Variants in CLVS1 observed in about 807,000 individuals in gnomAD.
CLVS1 encodes the protein clavesin 1.
Under a neutral mutation model 33.1 loss-of-function variants are expected in CLVS1, and 10 were observed. The ratio of observed to expected loss-of-function variants is 0.30; its 90% CI spans 0.19 to 0.51. CLVS1 has a LOEUF of 0.51. Among genes scored for constraint, CLVS1 ranks in the 20% least tolerant of loss-of-function variants. The probability of loss-of-function intolerance (pLI) is 0.97; values close to 1 mark genes in which losing one functional copy is unlikely to be tolerated. For synonymous variants in CLVS1, 163 were observed against 166.1 expected, an observed-to-expected ratio of 0.98 and a Z score of 0.14; for missense variants, 343 against 433.4, an observed-to-expected ratio of 0.79 and a Z score of 1.85.
chr8:61,497,281 A>G (rs964391444), intron 5 of CLVS1, among the ~76,000 whole-genome samples: 42 of 152,214 alleles, frequency 2.8e-4, no homozygotes, highest in African/African-American at 1.0e-3. Context: ...AAAGCCATGC[A>G]TAAGGAGGAG....
intron 2 of CLVS1, among the ~76,000 whole-genome samples, chr8:61,158,370 A>G (rs1355543847): frequency 6.6e-6 from 1 of 152,202 alleles, no homozygotes; most frequent in African/African-American, 2.4e-5. Flanking sequence ...AGTGCTCACC[A>G]TTTGATGTGT....
chr8:61,335,008 G>A (rs1811744265), intron 2 of CLVS1, among the ~76,000 whole-genome samples: 1 of 152,298 alleles, frequency 6.6e-6, no homozygotes. Flanking sequence ...CAGGAGTGCC[G>A]ATTGGTCAGA....
intron 1 of CLVS1, among the ~76,000 whole-genome samples, chr8:61,293,130 A>G (rs1378328543): frequency 2.0e-5 from 3 of 152,170 alleles, no homozygotes; most frequent in Non-Finnish European, 2.9e-5. Context: ...ATGTGGCAAG[A>G]GTTAGTCCTA....
rs74382792 is a variant in CLVS1, at chr8:61,444,141, A to G, written c.631-10000A>G. 9.4e-3 allele frequency among the ~76,000 whole-genome samples: 1,426 copies of G among 152,224 alleles called. 16 individuals carry two copies. The highest frequency in any genetic ancestry group is 0.016 in the Non-Finnish European group (1,068 of 67,990). ...AAGGTACTTTTATAGATTCCTTGGG[A>G]TTTTTTAATGTAGACAGTCATGTTA... is the stretch of plus-strand genomic sequence containing the variant. On this transcript the variant is annotated intron_variant, in intron 3 of 5. Coordinates refer to ENST00000325897, the MANE Select transcript of CLVS1 (RefSeq NM_173519.3).
At position 61,370,959 on chromosome 8, in the gene CLVS1, T is replaced by G. The variant is rs554513942; in HGVS notation, c.456-5646T>G. 2.0e-5 allele frequency among the ~76,000 whole-genome samples: 3 copies of G among 152,332 alleles called. No homozygotes were observed. In the South Asian group the frequency reaches 6.2e-4, roughly 32 times the overall value. On this transcript the variant is annotated intron_variant, in intron 2 of 5. Coordinates refer to ENST00000325897, the MANE Select transcript of CLVS1 (RefSeq NM_173519.3). ...ATTGCAAATTATCCCACTATAAACA[T>G]GCATGAGCAAGTGTCTTTTTCTTAT...
chr8:61,057,964 G>A (rs1409634016), intron 1 of CLVS1, among the ~76,000 whole-genome samples: 1 of 152,162 alleles, frequency 6.6e-6, no homozygotes, highest in South Asian at 2.1e-4. Flanking sequence ...TGGGAGAAAA[G>A]GTCCCATTGA....
intron 5 of CLVS1, among the ~76,000 whole-genome samples, chr8:61,489,092 C>G (rs1010358257): frequency 6.6e-6 from 1 of 152,124 alleles, no homozygotes; most frequent in East Asian, 1.9e-4. Context: ...GGATAAAGTA[C>G]GATTCTATAA....
chr8:61,491,077 C>T (rs572162305), intron 5 of CLVS1, among the ~76,000 whole-genome samples: 1 of 152,066 alleles, frequency 6.6e-6, no homozygotes, highest in Non-Finnish European at 1.5e-5. Context: ...TTGAGACTTT[C>T]TAGGCTTTTC....
At chr8:61,492,145 A>G (rs983648160) in intron 5 of CLVS1, among the ~76,000 whole-genome samples, 5 of 152,210 alleles carry the variant, frequency 3.3e-5, no homozygotes, top group Admixed American at 3.3e-4. Context: ...AATGGAGTAA[A>G]TGAGGCTCCA....
At chr8:61,094,550 C>T (rs1439423941) in intron 1 of CLVS1, among the ~76,000 whole-genome samples, 1 of 152,152 alleles carries the variant, frequency 6.6e-6, no homozygotes, top group Non-Finnish European at 1.5e-5. Context: ...GTCTCCCTCA[C>T]CAAATTCACA....
chr8:60,989,853 C>CGG, the CLVS1 span, among the ~76,000 whole-genome samples: 635 of 152,040 alleles, frequency 4.2e-3, 7 homozygotes, highest in African/African-American at 0.015. Flanking sequence ...AGGCTGGGTG[C>CGG]GGTGACTCAT....
the CLVS1 span, among the ~76,000 whole-genome samples, chr8:60,990,865 C>T: frequency 5.3e-5 from 8 of 152,014 alleles, no homozygotes; most frequent in South Asian, 8.3e-4. Flanking sequence ...CCCACCACCA[C>T]GCTTGGCTAA....
At chr8:61,172,169 T>C (rs1017293296) in intron 2 of CLVS1, among the ~76,000 whole-genome samples, 2 of 152,212 alleles carry the variant, frequency 1.3e-5, no homozygotes, top group Non-Finnish European at 2.9e-5. Flanking sequence ...AACCACTGCA[T>C]CTTTTGTCTA....
At chr8:61,299,640 C>T (rs1810357056) in intron 1 of CLVS1, 37 bp from the exon 2 acceptor site, 2 of 568,022 alleles carry the variant, frequency 3.5e-6, no homozygotes, top group Non-Finnish European at 6.2e-6. Context: ...TTTGTATCAT[C>T]TCTCTTCTGT....
chr8:61,381,774 C>CT (rs963525155), intron 3 of CLVS1, among the ~76,000 whole-genome samples: 7 of 152,132 alleles, frequency 4.6e-5, no homozygotes, highest in African/African-American at 9.7e-5. Context: ...GGATTTCATT[C>CT]TTTTTTTACA....
intron 5 of CLVS1, among the ~76,000 whole-genome samples, chr8:61,498,312 C>T (rs921015417): frequency 4.6e-5 from 7 of 152,146 alleles, no homozygotes; most frequent in African/African-American, 1.7e-4. Context: ...CAAAGATCTC[C>T]TTATCAGGTA....
At chr8:61,449,089 T>A (rs188794907) in intron 3 of CLVS1, among the ~76,000 whole-genome samples, 1 of 152,218 alleles carries the variant, frequency 6.6e-6, no homozygotes, top group Admixed American at 6.5e-5. Context: ...TGCTGCCTCA[T>A]CATTACCAAG....
intron 2 of CLVS1, among the ~76,000 whole-genome samples, chr8:61,261,213 C>T (rs1035042055): frequency 1.3e-5 from 2 of 152,116 alleles, no homozygotes; most frequent in African/African-American, 4.8e-5. Flanking sequence ...CCTTGACCAG[C>T]CCCATCCCTT....
At chr8:61,443,437 AT>A (rs571251063) in intron 3 of CLVS1, among the ~76,000 whole-genome samples, 3,284 of 152,100 alleles carry the variant, frequency 0.022, 43 homozygotes, top group Non-Finnish European at 0.035. Context: ...TAAGTCAGGT[AT>A]TTTTTTGTTT....
Sources: gnomAD v4.1 joint callset for allele counts (sites outside exome capture counted in the v4.1 genomes callset) on GRCh38, gnomAD v4.1.1 for gene constraint, MANE v1.5 for transcripts, NCBI Gene and HGNC (gene_info 2026-07-23, HGNC 2026-07-21) for gene names.